The following NCAM1 variants were observed in gnomAD, a reference collection of about 807,000 sequenced individuals.
NCAM1 encodes the protein antigen recognized by monoclonal antibody 5.1H11.
NCAM1 carries 14 observed loss-of-function variants against 109.8 expected under a neutral mutation model. That is an observed-to-expected ratio of 0.13 (90% CI 0.08 to 0.20). NCAM1 has a LOEUF of 0.20. NCAM1 is among the 10% of genes least tolerant of loss of function. The pLI is 1.00. For missense variants in NCAM1, 774 were observed against 1,109.9 expected, an observed-to-expected ratio of 0.70 and a Z score of 4.30; for synonymous variants, 418 against 442.9, an observed-to-expected ratio of 0.94 and a Z score of 0.70.
At chr11:113,221,230 C>T in intron 8 of NCAM1, 66 bp from the exon 9 acceptor site, 1 of 1,508,956 alleles carries the variant, frequency 6.6e-7, no homozygotes, top group Non-Finnish European at 9.0e-7. Context: ...GTGATACATT[C>T]TCTAAAGCAA....
intron 1 of NCAM1, among the ~76,000 whole-genome samples, chr11:112,997,828 T>A (rs1951635726): frequency 6.6e-6 from 1 of 152,258 alleles, no homozygotes; most frequent in Non-Finnish European, 1.5e-5. Flanking sequence ...TGGTGGCAGC[T>A]AATTGATGAT....
chr11:113,033,757 C>T (rs7127528), intron 1 of NCAM1, among the ~76,000 whole-genome samples: 68,538 of 151,980 alleles, frequency 0.45, 16,328 homozygotes, highest in East Asian at 0.8. Flanking sequence ...GTTGAACTTC[C>T]GCTGTGTTCA....
rs1946423298 is a variant in NCAM1 at position 113,277,596 on chromosome 11, T to C, written c.*2209T>C. ...TCAGTTCTTCATCTTGTAATGTCGA[T>C]GGCTTTGCCACACCAGGCCAAGCCC... is the stretch of plus-strand genomic sequence containing the variant. On this transcript the variant is annotated 3_prime_UTR_variant, in exon 20 of 20. Transcript: ENST00000316851. 1 of 396,098 alleles carries C rather than the reference T, an allele frequency of 2.5e-6. No individual in the cohort carries two copies. The highest frequency in any genetic ancestry group is 2.1e-5 in the African/African-American group (1 of 48,562). 24.5% of individuals were successfully genotyped at this position (396,098 alleles called of 1,614,324 possible).
intron 1 of NCAM1, among the ~76,000 whole-genome samples, chr11:113,158,182 G>A (rs1229595026): frequency 6.6e-6 from 1 of 152,088 alleles, no homozygotes; most frequent in Non-Finnish European, 1.5e-5. Flanking sequence ...GCTTATGTTG[G>A]TAGATATGAG....
intron 9 of NCAM1, among the ~76,000 whole-genome samples, chr11:113,223,625 G>A (rs1193470523): frequency 1.2e-4 from 18 of 152,116 alleles, no homozygotes; most frequent in Admixed American, 1.2e-3. Flanking sequence ...TCTTCCTTAT[G>A]GAAATGTTCT....
chr11:113,035,676 A>AT (rs1952852650), intron 1 of NCAM1, among the ~76,000 whole-genome samples: 1 of 152,164 alleles, frequency 6.6e-6, no homozygotes, highest in Admixed American at 6.5e-5. Context: ...GCATTGGAAT[A>AT]TTTTCTAGAT....
chr11:113,269,702 A>G (rs782464574), intron 17 of NCAM1: 2 of 195,972 alleles, frequency 1.0e-5, no homozygotes, highest in Non-Finnish European at 2.1e-5. Flanking sequence ...ATTGTGATGG[A>G]CAACCCAACA....
rs199893109 is a variant in NCAM1 at position 113,025,778 on chromosome 11, CGAGAGAGAGAGAGAGAGAGAGAGAGAGA to C, written c.52+64132_52+64159del. Among the ~76,000 whole-genome samples, 5 of 118,870 alleles carry C rather than the reference CGAGAGAGAGAGAGAGAGAGAGAGAGAGA, an allele frequency of 4.2e-5. No homozygotes were observed. The East Asian group carries it at 8.7e-4, about 21-fold the overall frequency. The allele number at this position is 118,870 out of a possible 152,430, so 78.0% of individuals were successfully genotyped here. A position where few individuals can be genotyped will look rare whatever the true frequency, so the allele number is the denominator to read the frequency against. On this transcript the variant is annotated intron_variant, in intron 1 of 19. Transcript: ENST00000316851. ...ATGAGATTGGAACGACACAGGGAGCCGAGAGAGAGAGAGAGAGAGAGAGAGAGAGAGAGAGAGAGAGAGAGGGAGAGAG... is the reference window on the plus strand; with the variant it reads ...ATGAGATTGGAACGACACAGGGAGCCGAGAGAGAGAGAGAGAGGGAGAGAG...
rs565560743 is a variant in NCAM1 at position 112,963,014 on chromosome 11, C to A, written c.52+1350C>A. ...GGGGCGGGCCAGGGAGCACCCAGTG[C>A]GCCCCCTCCGCGGGCGGCACAAGAG... On this transcript the variant is annotated intron_variant, in intron 1 of 19. Coordinates refer to ENST00000316851, the MANE Select transcript of NCAM1 (RefSeq NM_181351.5). The surrounding 1 kb of genome is among the most constrained non-coding windows in gnomAD (Gnocchi z 4.6). Among the ~76,000 whole-genome samples the A allele has an allele frequency of 3.5e-4, 54 of 152,176 alleles. No homozygotes were observed. The highest frequency in any genetic ancestry group is 9.9e-4 in the African/African-American group (41 of 41,566).
rs1555126128 is a variant in NCAM1, at chr11:113,274,287, C to T, written c.2457-980C>T. On this transcript the variant is annotated intron_variant, in intron 19 of 19. Transcript: ENST00000316851. The surrounding 1 kb of genome is among the most constrained non-coding windows in gnomAD (Gnocchi z 4.1). ...CCAGCCCACTCTTGCTTCTCCTGCT[C>T]TTAGAGTGGCTGGGAAGACTCGGGG... Among the ~76,000 whole-genome samples the T allele has an allele frequency of 1.3e-5, 2 of 152,212 alleles. No individual in the cohort carries two copies. The highest frequency in any genetic ancestry group is 3.9e-4 in the East Asian group (2 of 5,182).
intron 1 of NCAM1, among the ~76,000 whole-genome samples, chr11:113,151,833 TC>T (rs1438590316): frequency 6.6e-6 from 1 of 152,138 alleles, no homozygotes; most frequent in East Asian, 1.9e-4. Flanking sequence ...AAGTTCTAAA[TC>T]CCATCAGCTT....
At chr11:113,008,651 C>G (rs1372684813) in intron 1 of NCAM1, among the ~76,000 whole-genome samples, 2 of 152,122 alleles carry the variant, frequency 1.3e-5, no homozygotes, top group South Asian at 4.1e-4. Context: ...ATCGAGTCAC[C>G]AATTGTCTGT....
At chr11:113,264,410 G>A in intron 17 of NCAM1, 2 of 985,414 alleles carry the variant, frequency 2.0e-6, no homozygotes, top group South Asian at 4.7e-5. Flanking sequence ...GCTCCATGCT[G>A]CACAGTAGCT....
chr11:113,079,391 A>G (rs934061961), intron 1 of NCAM1, among the ~76,000 whole-genome samples: 59 of 151,872 alleles, frequency 3.9e-4, no homozygotes, highest in African/African-American at 1.1e-3. Flanking sequence ...TGACCCCAGC[A>G]CCTCCTCTAT....
chr11:113,252,457 C>CT (rs1945710899), intron 15 of NCAM1, among the ~76,000 whole-genome samples: 1 of 149,130 alleles, frequency 6.7e-6, no homozygotes, highest in Admixed American at 6.7e-5. Context: ...CGTCCAAGAA[C>CT]CTCATCATCT....
chr11:112,984,852 C>A (rs1951253098), intron 1 of NCAM1, among the ~76,000 whole-genome samples: 1 of 151,782 alleles, frequency 6.6e-6, no homozygotes, highest in African/African-American at 2.4e-5. Flanking sequence ...CATAGACTTC[C>A]TTTTCTATTT....
At chr11:113,087,583 G>A (rs1939147832) in intron 1 of NCAM1, among the ~76,000 whole-genome samples, 1 of 152,130 alleles carries the variant, frequency 6.6e-6, no homozygotes, top group Non-Finnish European at 1.5e-5. Flanking sequence ...AACCCTTCCT[G>A]ATGGCATGCA....
At chr11:113,150,168 G>A (rs1411128441) in intron 1 of NCAM1, among the ~76,000 whole-genome samples, 2 of 152,114 alleles carry the variant, frequency 1.3e-5, no homozygotes, top group African/African-American at 4.8e-5. Flanking sequence ...AAAAATAAAG[G>A]TAAATCTCTC....
chr11:112,993,218 G>A (rs1201113227), intron 1 of NCAM1, among the ~76,000 whole-genome samples: 1 of 152,156 alleles, frequency 6.6e-6, no homozygotes, highest in Admixed American at 6.5e-5. Flanking sequence ...GCATCTGCTT[G>A]GCTTCTAGGG....
Sources: allele counts gnomAD v4.1 joint callset (sites outside exome capture counted in the v4.1 genomes callset), GRCh38; gene constraint gnomAD v4.1.1; non-coding constraint Gnocchi (gnomAD v3.1); transcripts MANE v1.5; gene names NCBI Gene and HGNC (gene_info 2026-07-23, HGNC 2026-07-21).